BIRC6: variants seen among roughly 807,000 people sequenced by gnomAD.
BIRC6 encodes baculoviral IAP repeat containing 6, also known as dual E2 ubiquitin-conjugating enzyme/E3 ubiquitin-protein ligase BIRC6.
BIRC6 carries 98 observed loss-of-function variants against 503.3 expected under a neutral mutation model. The ratio of observed to expected loss-of-function variants is 0.19; its 90% CI spans 0.17 to 0.23. The LOEUF (loss-of-function observed/expected upper bound fraction) is 0.23. Among genes scored for constraint, BIRC6 ranks in the 10% least tolerant of loss-of-function variants. The pLI, the probability that BIRC6 is intolerant of heterozygous loss-of-function variation, is 1.00. For missense variants in BIRC6, 5,360 were observed against 5,806.0 expected, an observed-to-expected ratio of 0.92 and a Z score of 2.50; for synonymous variants, 2,240 against 2,078.7, an observed-to-expected ratio of 1.08 and a Z score of -2.11.
intron 73 of BIRC6, among the ~76,000 whole-genome samples, chr2:32,613,187 GTTT>G (rs1192871279): frequency 1.6e-5 from 2 of 127,788 alleles, no homozygotes; most frequent in African/African-American, 5.2e-5. Flanking sequence ...GCCTTGACTG[GTTT>G]GTTTGTTTGT....
rs769077783 is a variant in BIRC6 at position 32,414,843 on chromosome 2, A to G, written c.1552A>G (p.Lys518Glu). The G allele has an allele frequency of 1.2e-6, 2 of 1,614,000 alleles. No individual in the cohort carries two copies. The highest frequency in any genetic ancestry group is 1.1e-5 in the South Asian group (1 of 91,078). Residue 518 changes from lysine to glutamate, a missense_variant, in exon 10 of 74, where the codon AAA becomes GAA. Lys to Glu is a moderately conservative substitution (Grantham distance 56). Transcript: ENST00000421745. ...TALSILQQPE[K>E]LQWEIVANVL... ...ACTCAGCATTCTCCAACAGCCAGAAAAACTTCAGTGGGAGATTGTTGCAAA... is the reference window on the plus strand; with the variant it reads ...ACTCAGCATTCTCCAACAGCCAGAAGAACTTCAGTGGGAGATTGTTGCAAA...
At chr2:32,481,474 C>T (rs1464661584) in intron 38 of BIRC6, 21 bp downstream of exon 38, 2 of 1,574,856 alleles carry the variant, frequency 1.3e-6, no homozygotes, top group Admixed American at 3.7e-5. Flanking sequence ...TGAGAATAGT[C>T]TTTGAAAGGA....
At chr2:32,546,430 AT>A (rs2058056641) in intron 63 of BIRC6, among the ~76,000 whole-genome samples, 1 of 152,034 alleles carries the variant, frequency 6.6e-6, no homozygotes. Flanking sequence ...AAATGCAAAA[AT>A]TTGCCGGACA....
chr2:32,461,087 C>T (rs1397884178), intron 23 of BIRC6, among the ~76,000 whole-genome samples: 1 of 7,018 alleles, frequency 1.4e-4, no homozygotes. Context: ...CCTCTCCTCT[C>T]CTCTCCTCTC....
chr2:32,548,464 G>C (rs1198305064), intron 64 of BIRC6, among the ~76,000 whole-genome samples: 1 of 150,034 alleles, frequency 6.7e-6, no homozygotes, highest in Non-Finnish European at 1.5e-5. Context: ...CACCTCCCAG[G>C]TTCACGGTTG....
intron 3 of BIRC6, among the ~76,000 whole-genome samples, chr2:32,387,848 A>G (rs548758680): frequency 6.6e-6 from 1 of 152,338 alleles, no homozygotes; most frequent in East Asian, 1.9e-4. Context: ...ATATAAGAAC[A>G]TGTGTTACTG....
chr2:32,578,171 A>G (rs1432207829), intron 66 of BIRC6, among the ~76,000 whole-genome samples: 1 of 152,182 alleles, frequency 6.6e-6, no homozygotes, highest in Non-Finnish European at 1.5e-5. Flanking sequence ...GGTTTACCAT[A>G]TAGAGAATTC....
intron 23 of BIRC6, among the ~76,000 whole-genome samples, chr2:32,456,822 T>C (rs1364888356): frequency 6.6e-6 from 1 of 152,204 alleles, no homozygotes; most frequent in Non-Finnish European, 1.5e-5. Context: ...TGTTAAAAAA[T>C]GGTAGATTTG....
chr2:32,563,158 T>C (rs1160832268), intron 65 of BIRC6, among the ~76,000 whole-genome samples: 1 of 152,228 alleles, frequency 6.6e-6, no homozygotes, highest in Non-Finnish European at 1.5e-5. Flanking sequence ...CTCTGTTCTG[T>C]TTCTCTTTGT....
chr2:32,507,896 G>A (rs1215954020), intron 50 of BIRC6, 84 bp from the exon 51 acceptor site: 1 of 1,279,976 alleles, frequency 7.8e-7, no homozygotes, highest in Non-Finnish European at 1.1e-6. Context: ...AACTGTGAAA[G>A]CTGCTATTTT....
chr2:32,414,695 T>TAAA, intron 9 of BIRC6, 74 bp from the exon 10 acceptor site: 1 of 1,014,204 alleles, frequency 9.9e-7, no homozygotes, highest in Non-Finnish European at 1.4e-6. Flanking sequence ...AAATAAATAA[T>TAAA]TTTACTTGTG....
Position 32,420,317 on chromosome 2 carries a change from G to A in BIRC6, c.2872+4154G>A, listed in dbSNP as rs541964038. 1.4e-3 allele frequency among the ~76,000 whole-genome samples: 220 copies of A among 152,064 alleles called. 2 individuals are homozygous for A. The highest frequency in any genetic ancestry group is 5.0e-3 in the African/African-American group (208 of 41,496). ...TTTCCTTATATATTTGGTAGAATTC[G>A]CCAGTGAAGCTCTTTGGGCCCAGAG... is the stretch of plus-strand genomic sequence containing the variant. On this transcript the variant is annotated intron_variant, in intron 10 of 73. Transcript: ENST00000421745.
At position 32,400,939 on chromosome 2, in the gene BIRC6, A is replaced by G. The variant is rs75599246; in HGVS notation, c.1035-224A>G. Among the ~76,000 whole-genome samples the G allele has an allele frequency of 9.8e-5, 15 of 152,352 alleles. No homozygotes were observed. In the East Asian group the frequency reaches 2.3e-3, roughly 23 times the overall value. On this transcript the variant is annotated intron_variant, in intron 6 of 73. Coordinates refer to ENST00000421745, the MANE Select transcript of BIRC6 (RefSeq NM_016252.4). ...TTATAATCAGTTAAAGTGAGTAACA[A>G]CTGCTATTGTTGAATGTTTGGAATA...
chr2:32,496,303 G>A (rs1261479341), intron 45 of BIRC6, among the ~76,000 whole-genome samples: 1 of 151,060 alleles, frequency 6.6e-6, no homozygotes, highest in Non-Finnish European at 1.5e-5. Flanking sequence ...CAGACTCACT[G>A]CAACCTCCAC....
At chr2:32,529,386 A>G (rs2056550772) in intron 59 of BIRC6, 2 of 319,440 alleles carry the variant, frequency 6.3e-6, no homozygotes, top group Admixed American at 4.7e-5. Flanking sequence ...AATGTCCCAC[A>G]TCAGATTTAT....
Position 32,616,560 on chromosome 2 carries a change from CAAAAAA to C in BIRC6, c.14395-1145_14395-1140del, listed in dbSNP as rs201587938. ...GGGTGACACAGTGAGACCTTGTTCTCAAAAAAAAAAAAAAAAAAAAAAAAATTCTAA... is the reference window on the plus strand; with the variant it reads ...GGGTGACACAGTGAGACCTTGTTCTCAAAAAAAAAAAAAAAAAAATTCTAA... On this transcript the variant is annotated intron_variant, in intron 73 of 73. Transcript: ENST00000421745. Among the ~76,000 whole-genome samples, 696 of 99,084 alleles carry C rather than the reference CAAAAAA, an allele frequency of 7.0e-3. 4 individuals are homozygous for C. Among genetic ancestry groups the C allele is most frequent in the Non-Finnish European group, 0.01 (532 of 51,272 alleles). 65.0% of individuals were successfully genotyped at this position (99,084 alleles called of 152,430 possible). A position where few individuals can be genotyped will look rare whatever the true frequency, so the allele number is the denominator to read the frequency against.
At chr2:32,469,372 T>C (rs375900986) in intron 29 of BIRC6, 23 bp from the exon 30 acceptor site, 533 of 1,571,466 alleles carry the variant, frequency 3.4e-4, no homozygotes, top group Non-Finnish European at 4.2e-4. Flanking sequence ...TAGGAAAGTT[T>C]ACTGTTTTCT....
In BIRC6 at chr2:32,477,457, T is replaced by G; in HGVS notation, c.6942T>G (p.Pro2314=). The change falls in exon 35 of 74, where the codon CCT becomes CCG. Residue 2314 remains proline (P), a synonymous_variant. Coordinates refer to ENST00000421745, the MANE Select transcript of BIRC6 (RefSeq NM_016252.4). ...AAGTTACAACAGCAAAAGAAAGTCC[T>G]GAGATAGAACCACTTCCATTTACTC... ...DTEVTTAKES[P]EIEPLPFTLA... 1 of 1,614,052 alleles carries G rather than the reference T, an allele frequency of 6.2e-7. No homozygotes were observed. Among genetic ancestry groups the G allele is most frequent in the Non-Finnish European group, 8.5e-7 (1 of 1,179,898 alleles).
chr2:32,462,531 G>A (rs2048107167), intron 23 of BIRC6, among the ~76,000 whole-genome samples: 1 of 152,152 alleles, frequency 6.6e-6, no homozygotes. Flanking sequence ...GGTCCTTTTG[G>A]TAGGTGAAGT....
Sources: gnomAD v4.1 joint callset for allele counts (sites outside exome capture counted in the v4.1 genomes callset) on GRCh38, gnomAD v4.1.1 for gene constraint, MANE v1.5 for transcripts, NCBI Gene and HGNC (gene_info 2026-07-23, HGNC 2026-07-21) for gene names.